NANP: variants seen among roughly 807,000 people sequenced by gnomAD.
NANP encodes the protein N-acetylneuraminic acid phosphatase, also known as N-acylneuraminate-9-phosphatase.
In NANP, 15 loss-of-function variants were observed where a neutral mutation model predicts 16.9. That is an observed-to-expected ratio of 0.89 (90% CI 0.59 to 1.37). NANP has a LOEUF of 1.37. Among genes scored for constraint, NANP ranks in the 40% most tolerant of loss-of-function variants. NANP has a pLI of 0.00. For missense variants in NANP, 290 were observed against 303.5 expected, an observed-to-expected ratio of 0.96 and a Z score of 0.33; for synonymous variants, 135 against 112.6, an observed-to-expected ratio of 1.20 and a Z score of -1.26.
intron 1 of NANP, among the ~76,000 whole-genome samples, chr20:25,619,311 G>A (rs907933055): frequency 3.3e-5 from 5 of 151,804 alleles, no homozygotes; most frequent in African/African-American, 4.8e-5. Flanking sequence ...TTGTAGAGAC[G>A]GGTCTTGCCA....
rs1197358016 is a variant in NANP at position 25,614,403 on chromosome 20, TTC to T, written c.*1520_*1521del. ...CCACTTTAATAAGCCCCTTTATACT[TTC>T]TTTTTTTTCAACCACTTTACTCCAG... On this transcript the variant is annotated 3_prime_UTR_variant, in exon 2 of 2. Coordinates refer to ENST00000304788, the MANE Select transcript of NANP (RefSeq NM_152667.3). 6.6e-6 allele frequency: 1 copy of T among 152,176 alleles called. No individual in the cohort carries two copies. The highest frequency in any genetic ancestry group is 1.9e-4 in the East Asian group (1 of 5,198). The allele number at this position is 152,176 out of a possible 1,614,324, so 9.4% of individuals were successfully genotyped here. A position where few individuals can be genotyped will look rare whatever the true frequency, so the allele number is the denominator to read the frequency against.
Position 25,613,506 on chromosome 20 carries a change from T to G in NANP, c.*2419A>C, listed in dbSNP as rs1568987279. The G allele has an allele frequency of 8.8e-6, 2 of 226,354 alleles. No individual in the cohort carries two copies. The highest frequency in any genetic ancestry group is 4.5e-5 in the African/African-American group (2 of 44,278). 14.0% of individuals were successfully genotyped at this position (226,354 alleles called of 1,614,324 possible). On this transcript the variant is annotated 3_prime_UTR_variant, in exon 2 of 2. Coordinates refer to ENST00000304788, the MANE Select transcript of NANP (RefSeq NM_152667.3). ...GTGAGAAGGCCACTACAGGGAAACT[T>G]TGAAAAAAAATAAAGATGACAAAAC...
intron 1 of NANP, among the ~76,000 whole-genome samples, chr20:25,619,939 A>G (rs6037160): frequency 0.03 from 4,521 of 152,216 alleles, 219 homozygotes; most frequent in African/African-American, 0.1. Flanking sequence ...TAAAAGGGAG[A>G]TGTTTATAAA....
chr20:25,617,305 A>G (rs2065347167), intron 1 of NANP, among the ~76,000 whole-genome samples: 1 of 152,136 alleles, frequency 6.6e-6, no homozygotes, highest in Non-Finnish European at 1.5e-5. Context: ...TCCACTGCCC[A>G]GGCTCAAGAG....
At chr20:25,622,302 C>A (rs1446930075) in intron 1 of NANP, among the ~76,000 whole-genome samples, 2 of 152,164 alleles carry the variant, frequency 1.3e-5, no homozygotes, top group African/African-American at 4.8e-5. Flanking sequence ...AGACAGCGTA[C>A]GAGGGTGGAA....
intron 1 of NANP, among the ~76,000 whole-genome samples, chr20:25,621,630 C>G (rs2065364608): frequency 6.6e-6 from 1 of 152,242 alleles, no homozygotes; most frequent in Non-Finnish European, 1.5e-5. Flanking sequence ...TCTCGGCTCA[C>G]TGCAAGCTCC....
chr20:25,623,636 A>G (rs1272873860), intron 1 of NANP, among the ~76,000 whole-genome samples: 7 of 152,168 alleles, frequency 4.6e-5, no homozygotes, highest in Non-Finnish European at 1.0e-4. Flanking sequence ...CAGCCGCTCC[A>G]GGGCTCGAGA....
At position 25,623,841 on chromosome 20, in the gene NANP, C is replaced by T. The variant is rs1339957485; in HGVS notation, c.90+18G>A. Reference sequence around the variant, plus strand: ...GCACTGACCCCGCCCAGAGGAGCGCCATGGGTGGGGACGTTACCTCCAACA... The same window carrying T: ...GCACTGACCCCGCCCAGAGGAGCGCTATGGGTGGGGACGTTACCTCCAACA... On this transcript the variant is annotated intron_variant, in intron 1 of 1. Coordinates refer to ENST00000304788, the MANE Select transcript of NANP (RefSeq NM_152667.3). 2.5e-6 allele frequency: 4 copies of T among 1,609,556 alleles called. No individual in the cohort carries two copies. The Admixed American group carries it at 6.7e-5, about 27-fold the overall frequency.
chr20:25,619,181 T>G (rs1487353635), intron 1 of NANP, among the ~76,000 whole-genome samples: 1 of 146,846 alleles, frequency 6.8e-6, no homozygotes, highest in Non-Finnish European at 1.5e-5. Flanking sequence ...CTGGATGGAG[T>G]GCAGTAGAGG....
rs2065339477 is a variant in NANP, at chr20:25,615,523, A to T, written c.*402T>A. ...TGTGTTTTAGAAAATCTATTTTTTA[A>T]AAATATCTATTTTTAAGCCAGAAGA... On this transcript the variant is annotated 3_prime_UTR_variant, in exon 2 of 2. Transcript: ENST00000304788. The T allele has an allele frequency of 6.4e-6, 1 of 156,370 alleles. No homozygotes were observed. The highest frequency in any genetic ancestry group is 2.4e-5 in the African/African-American group (1 of 41,602). The allele number at this position is 156,370 out of a possible 1,614,324, so 9.7% of individuals were successfully genotyped here. A position where few individuals can be genotyped will look rare whatever the true frequency, so the allele number is the denominator to read the frequency against.
chr20:25,616,123 G>A lies in NANP; in HGVS notation c.549C>T (p.Asp183=), dbSNP rs749084108. The part of the protein sequence containing the change: ...CCNLLGVQPG[D]CVMVGDTLET... ...CTAATGTGTCACCGACCATCACACA[G>A]TCCCCAGGTTGTACTCCGAGAAGAT... Residue 183 remains aspartate (D), a synonymous_variant, in exon 2 of 2, where the codon GAC becomes GAT. Coordinates refer to ENST00000304788, the MANE Select transcript of NANP (RefSeq NM_152667.3). 5.0e-6 allele frequency: 8 copies of A among 1,613,938 alleles called. No homozygotes were observed. The highest frequency in any genetic ancestry group is 3.3e-5 in the Admixed American group (2 of 59,994).
chr20:25,621,184 G>A (rs2065363042), intron 1 of NANP, among the ~76,000 whole-genome samples: 1 of 152,152 alleles, frequency 6.6e-6, no homozygotes, highest in Admixed American at 6.6e-5. Flanking sequence ...TTTATTTCAA[G>A]TCTGTGCACA....
chr20:25,619,922 C>T (rs1600398173), intron 1 of NANP, among the ~76,000 whole-genome samples: 1 of 152,320 alleles, frequency 6.6e-6, no homozygotes, highest in East Asian at 1.9e-4. Context: ...GCAGGATTTG[C>T]TCACCTTAAA....
chr20:25,623,973 T>C lies in NANP; in HGVS notation c.-25A>G, dbSNP rs760515366. On this transcript the variant is annotated 5_prime_UTR_variant, in exon 1 of 2. Coordinates refer to ENST00000304788, the MANE Select transcript of NANP (RefSeq NM_152667.3). ...TAGCGCCGGCCGCTGGCGCGAACCG[T>C]AGCCTTGCCACCGCCGCCTGCGCAT... 58 of 1,607,818 alleles carry C rather than the reference T, an allele frequency of 3.6e-5. No individual in the cohort carries two copies. Among genetic ancestry groups the C allele is most frequent in the African/African-American group, 1.3e-4 (10 of 74,650 alleles).
chr20:25,615,996 T>C lies in NANP; in HGVS notation c.676A>G (p.Met226Val). The C allele has an allele frequency of 6.2e-7, 1 of 1,614,214 alleles. No individual in the cohort carries two copies. Among genetic ancestry groups the C allele is most frequent in the Non-Finnish European group, 8.5e-7 (1 of 1,180,032 alleles). The change falls in exon 2 of 2, where the codon ATG becomes GTG. Residue 226 changes from methionine (M) to valine (V), a missense_variant. Physicochemically the swap from Met to Val is conservative, Grantham distance 21. Coordinates refer to ENST00000304788, the MANE Select transcript of NANP (RefSeq NM_152667.3). Reference sequence around the variant, plus strand: ...GGTAACTCTAGCACAGAAGAAACCATGTAATGCGGAACTGGGGAGGACTTC... The same window carrying C: ...GGTAACTCTAGCACAGAAGAAACCACGTAATGCGGAACTGGGGAGGACTTC... ...PLKSSPVPHY[M>V]VSSVLELPAL...
chr20:25,621,901 T>G (rs1392920319), intron 1 of NANP, among the ~76,000 whole-genome samples: 3 of 152,224 alleles, frequency 2.0e-5, no homozygotes, highest in Non-Finnish European at 4.4e-5. Context: ...GAGGCAGTAA[T>G]AGAACCAAGT....
chr20:25,623,634 C>T (rs1015097867), intron 1 of NANP, among the ~76,000 whole-genome samples: 1 of 152,202 alleles, frequency 6.6e-6, no homozygotes, highest in African/African-American at 2.4e-5. Flanking sequence ...AGCAGCCGCT[C>T]CAGGGCTCGA....
chr20:25,623,273 CTG>C (rs937916189), intron 1 of NANP, among the ~76,000 whole-genome samples: 2 of 152,328 alleles, frequency 1.3e-5, no homozygotes, highest in Non-Finnish European at 2.9e-5. Flanking sequence ...CGGGCTTTTG[CTG>C]TGTCACGTGT....
At chr20:25,623,614 G>C (rs2065376785) in intron 1 of NANP, among the ~76,000 whole-genome samples, 1 of 152,220 alleles carries the variant, frequency 6.6e-6, no homozygotes, top group Admixed American at 6.5e-5. Context: ...CGAGCGCCAA[G>C]GCACCTGCGA....
Sources: allele counts gnomAD v4.1 joint callset (sites outside exome capture counted in the v4.1 genomes callset), GRCh38; gene constraint gnomAD v4.1.1; transcripts MANE v1.5; gene names NCBI Gene and HGNC (gene_info 2026-07-23, HGNC 2026-07-21).